Variants in LCLAT1 observed in about 807,000 individuals in gnomAD.
The protein encoded by LCLAT1 is 1-AGP acyltransferase 8.
A neutral mutation model predicts 30.7 loss-of-function variants in LCLAT1; 11 were observed. That is an observed-to-expected ratio of 0.36 (90% CI 0.23 to 0.59). LCLAT1 has a LOEUF of 0.59. Ranked by LOEUF, LCLAT1 falls within the 20% of genes least tolerant of loss-of-function variation. LCLAT1 has a pLI of 0.77. For missense variants in LCLAT1, 402 were observed against 458.6 expected (o/e 0.88, Z 1.13); for synonymous variants, 155 against 151.3 (o/e 1.02, Z -0.18).
intron 5 of LCLAT1, among the ~76,000 whole-genome samples, chr2:30,633,647 T>C (rs1668874836): frequency 6.6e-6 from 1 of 152,172 alleles, no homozygotes; most frequent in South Asian, 2.1e-4. Context: ...GTCACGCCAC[T>C]GCACTCCAGC....
intron 3 of LCLAT1, among the ~76,000 whole-genome samples, chr2:30,536,646 C>T (rs1686259531): frequency 6.6e-6 from 1 of 151,996 alleles, no homozygotes; most frequent in African/African-American, 2.4e-5. Flanking sequence ...TCTGCATCTG[C>T]AGTAAAAAAG....
At chr2:30,459,922 T>C (rs1237283435) in intron 1 of LCLAT1, among the ~76,000 whole-genome samples, 1 of 152,208 alleles carries the variant, frequency 6.6e-6, no homozygotes, top group Non-Finnish European at 1.5e-5. Flanking sequence ...TTTTAGAAAA[T>C]AAAATAACAC....
At chr2:30,556,976 T>C (rs1664949977) in intron 3 of LCLAT1, among the ~76,000 whole-genome samples, 1 of 152,092 alleles carries the variant, frequency 6.6e-6, no homozygotes, top group African/African-American at 2.4e-5. Context: ...ACTCCCAACC[T>C]CACGTGATCC....
chr2:30,616,777 A>G (rs1668013160), intron 5 of LCLAT1, among the ~76,000 whole-genome samples: 2 of 152,096 alleles, frequency 1.3e-5, no homozygotes, highest in Non-Finnish European at 2.9e-5. Context: ...AGCTTGTCGG[A>G]TATGTTAATG....
At chr2:30,557,946 C>G (rs1665007119) in intron 3 of LCLAT1, among the ~76,000 whole-genome samples, 1 of 152,032 alleles carries the variant, frequency 6.6e-6, no homozygotes, top group South Asian at 2.1e-4. Context: ...AATATCCATT[C>G]AGAAAACAAA....
chr2:30,539,299 C>A (rs1483819056), intron 3 of LCLAT1, among the ~76,000 whole-genome samples: 1 of 129,568 alleles, frequency 7.7e-6, no homozygotes, highest in African/African-American at 3.0e-5. Context: ...CTCACACATG[C>A]TAGAGTACAG....
intron 3 of LCLAT1, among the ~76,000 whole-genome samples, chr2:30,556,292 A>G (rs770034798): frequency 1.2e-4 from 19 of 152,266 alleles, no homozygotes; most frequent in Admixed American, 7.2e-4. Flanking sequence ...TAATTTTTTC[A>G]TATCATAAAA....
At chr2:30,467,959 C>G (rs1255716846) in intron 1 of LCLAT1, among the ~76,000 whole-genome samples, 1 of 152,208 alleles carries the variant, frequency 6.6e-6, no homozygotes. Flanking sequence ...TCCCATTTGT[C>G]AGTTTTGGCT....
intron 1 of LCLAT1, among the ~76,000 whole-genome samples, chr2:30,501,424 A>G (rs1278576588): frequency 6.6e-6 from 1 of 152,188 alleles, no homozygotes; most frequent in African/African-American, 2.4e-5. Context: ...TAGATTTTGT[A>G]AAGAATATGA....
At chr2:30,609,464 ATT>A (rs1298746836) in intron 5 of LCLAT1, among the ~76,000 whole-genome samples, 3 of 151,968 alleles carry the variant, frequency 2.0e-5, no homozygotes, top group Non-Finnish European at 4.4e-5. Context: ...GTTATTCTCC[ATT>A]GATTTGTGAT....
intron 5 of LCLAT1, among the ~76,000 whole-genome samples, chr2:30,582,163 CT>C (rs1666236079): frequency 6.6e-6 from 1 of 151,972 alleles, no homozygotes; most frequent in Non-Finnish European, 1.5e-5. Context: ...ATCAGTCAGT[CT>C]CTGTTTCTCC....
intron 4 of LCLAT1, 112 bp from the exon 5 acceptor site, chr2:30,567,948 A>C (rs1665568204): frequency 1.6e-6 from 1 of 606,188 alleles, no homozygotes; most frequent in Non-Finnish European, 3.0e-6. Flanking sequence ...GTATTCAGTA[A>C]TTAGAGAATA....
intron 3 of LCLAT1, among the ~76,000 whole-genome samples, chr2:30,555,640 A>T (rs944590790): frequency 2.0e-5 from 3 of 152,090 alleles, no homozygotes; most frequent in Non-Finnish European, 4.4e-5. Context: ...TTAATTAGTG[A>T]TAGAATTGAG....
chr2:30,552,688 A>G (rs564656691), intron 3 of LCLAT1: 2 of 254,068 alleles, frequency 7.9e-6, no homozygotes, highest in East Asian at 9.9e-5. Flanking sequence ...AACTTTATCT[A>G]TCCAGCATTT....
chr2:30,546,363 G>T (rs1251528171), intron 3 of LCLAT1, among the ~76,000 whole-genome samples: 1 of 151,982 alleles, frequency 6.6e-6, no homozygotes, highest in Non-Finnish European at 1.5e-5. Flanking sequence ...CATGCTGTTG[G>T]TATTTTTACA....
chr2:30,458,737 C>G (rs764941681), intron 1 of LCLAT1, among the ~76,000 whole-genome samples: 5 of 152,092 alleles, frequency 3.3e-5, no homozygotes, highest in Non-Finnish European at 5.9e-5. Flanking sequence ...AAAATCAGTA[C>G]TGGTCCAAGG....
rs1335871088 is a variant in LCLAT1, at chr2:30,533,206, C to A, written c.256C>A (p.Arg86=). ...AAGAAGTGTCATTATCATGAACCAT[C>A]GGACAAGAATGGACTGGATGTTCCT... is the stretch of plus-strand genomic sequence containing the variant. ...GERSVIIMNH[R]TRMDWMFLWN... Residue 86 remains arginine (R), a synonymous_variant, in exon 3 of 6, where the codon CGG becomes AGG. Transcript: ENST00000379509. 13 of 1,613,684 alleles carry A rather than the reference C, an allele frequency of 8.1e-6. No homozygotes were observed. Among genetic ancestry groups the A allele is most frequent in the African/African-American group, 1.3e-5 (1 of 74,922 alleles).
chr2:30,624,775 G>T (rs1388766403), intron 5 of LCLAT1, among the ~76,000 whole-genome samples: 1 of 152,140 alleles, frequency 6.6e-6, no homozygotes, highest in East Asian at 1.9e-4. Flanking sequence ...GGACTTAACA[G>T]ATATTTACAG....
intron 1 of LCLAT1, among the ~76,000 whole-genome samples, chr2:30,452,942 G>C (rs1256183589): frequency 6.6e-6 from 1 of 152,078 alleles, no homozygotes; most frequent in Non-Finnish European, 1.5e-5. Context: ...AGACATATGA[G>C]GGGTTGCCAT....
Sources: gnomAD v4.1 joint callset for allele counts (sites outside exome capture counted in the v4.1 genomes callset) on GRCh38, gnomAD v4.1.1 for gene constraint, MANE v1.5 for transcripts, NCBI Gene and HGNC (gene_info 2026-07-23, HGNC 2026-07-21) for gene names.